RELN: variants seen among roughly 807,000 people sequenced by gnomAD.
RELN encodes the protein reelin.
RELN carries 108 observed loss-of-function variants against 427.6 expected under a neutral mutation model. That is an observed-to-expected ratio of 0.25 (90% CI 0.22 to 0.30). RELN has a LOEUF of 0.30. RELN is among the 10% of genes least tolerant of loss of function. RELN has a pLI of 1.00. For synonymous variants in RELN, 1,524 were observed against 1,513.4 expected, an observed-to-expected ratio of 1.01 and a Z score of -0.16; for missense variants, 3,715 against 4,302.8, an observed-to-expected ratio of 0.86 and a Z score of 3.82.
At chr7:103,803,279 G>A (rs1792514470) in intron 3 of RELN, among the ~76,000 whole-genome samples, 1 of 152,140 alleles carries the variant, frequency 6.6e-6, no homozygotes, top group African/African-American at 2.4e-5. Flanking sequence ...TCACACTAAT[G>A]TACTCACAGT....
At chr7:103,674,919 C>A (rs1428426363) in intron 11 of RELN, among the ~76,000 whole-genome samples, 2 of 152,162 alleles carry the variant, frequency 1.3e-5, no homozygotes, top group African/African-American at 4.8e-5. Flanking sequence ...GACAAACCCA[C>A]AGCCAATATC....
chr7:103,546,424 C>T (rs781778651), intron 41 of RELN, among the ~76,000 whole-genome samples: 1 of 152,166 alleles, frequency 6.6e-6, no homozygotes, highest in African/African-American at 2.4e-5. Context: ...TGGTTGTTTC[C>T]ATTTTTTGGC....
At chr7:103,881,884 C>T (rs551296034) in intron 2 of RELN, among the ~76,000 whole-genome samples, 31 of 152,228 alleles carry the variant, frequency 2.0e-4, no homozygotes, top group Middle Eastern at 3.4e-3. Context: ...CACCCCCAAG[C>T]CCACTGGATT....
chr7:103,617,848 G>C (rs189337830), intron 20 of RELN, among the ~76,000 whole-genome samples: 1 of 152,150 alleles, frequency 6.6e-6, no homozygotes, highest in East Asian at 1.9e-4. Context: ...TTGAGGTAAT[G>C]AGTGAGTTCT....
At chr7:103,703,929 G>A (rs533692603) in intron 8 of RELN, among the ~76,000 whole-genome samples, 1 of 152,194 alleles carries the variant, frequency 6.6e-6, no homozygotes, top group East Asian at 1.9e-4. Flanking sequence ...CCACAACAAG[G>A]GTAAAAGTGA....
At chr7:103,866,376 G>C (rs1179977495) in intron 2 of RELN, among the ~76,000 whole-genome samples, 1 of 152,054 alleles carries the variant, frequency 6.6e-6, no homozygotes, top group Non-Finnish European at 1.5e-5. Flanking sequence ...GGTGCAGTTT[G>C]AGGACTTGCT....
intron 27 of RELN, among the ~76,000 whole-genome samples, chr7:103,591,513 A>G (rs898393001): frequency 6.6e-6 from 1 of 152,214 alleles, no homozygotes; most frequent in African/African-American, 2.4e-5. Flanking sequence ...ATTGTGCACA[A>G]TTTATCCAAG....
intron 1 of RELN, among the ~76,000 whole-genome samples, chr7:103,922,661 GTTA>G (rs1285111435): frequency 6.6e-6 from 1 of 152,124 alleles, no homozygotes; most frequent in Non-Finnish European, 1.5e-5. Context: ...TACAGAGTCA[GTTA>G]TTATCTATTA....
intron 3 of RELN, among the ~76,000 whole-genome samples, chr7:103,826,048 G>A (rs1159847781): frequency 1.3e-5 from 2 of 152,042 alleles, no homozygotes; most frequent in African/African-American, 2.4e-5. Context: ...TGGGAGTAGA[G>A]TAGTTACCTC....
At chr7:103,680,504 T>A (rs1031201769) in intron 11 of RELN, among the ~76,000 whole-genome samples, 3 of 151,870 alleles carry the variant, frequency 2.0e-5, no homozygotes, top group African/African-American at 7.2e-5. Flanking sequence ...GGGAGTCGAA[T>A]TGGTCTTTTT....
intron 14 of RELN, 105 bp downstream of exon 14, chr7:103,652,446 A>T: frequency 1.1e-6 from 1 of 875,282 alleles, no homozygotes; most frequent in Non-Finnish European, 1.9e-6. Flanking sequence ...TGAGTATTTT[A>T]CTTAAAATCC....
intron 26 of RELN, among the ~76,000 whole-genome samples, 159 bp downstream of exon 26, chr7:103,594,162 G>C (rs567235952): frequency 1.2e-4 from 18 of 152,148 alleles, no homozygotes; most frequent in Non-Finnish European, 2.5e-4. Context: ...AATTATCTGT[G>C]AAGTGGTAGC....
At chr7:103,559,942 T>C (rs1185723411) in intron 36 of RELN, among the ~76,000 whole-genome samples, 1 of 152,224 alleles carries the variant, frequency 6.6e-6, no homozygotes, top group East Asian at 1.9e-4. Context: ...GTTGTTCCCA[T>C]GGGTCAATAC....
Position 103,926,286 on chromosome 7 carries a change from G to C in RELN, c.227-9101C>G, listed in dbSNP as rs139642401. Among the ~76,000 whole-genome samples the C allele has an allele frequency of 6.5e-3, 981 of 151,826 alleles. 9 individuals are homozygous for C. The highest frequency in any genetic ancestry group is 0.021 in the African/African-American group (880 of 41,396). ...AATTTTTGTATTTTTAGTAGAGATG[G>C]GGTTTCACCATGTTGGCCAGGATGG... On this transcript the variant is annotated intron_variant, in intron 1 of 64. Coordinates refer to ENST00000428762, the MANE Select transcript of RELN (RefSeq NM_005045.4).
At chr7:103,982,026 T>C (rs1467219712) in intron 1 of RELN, among the ~76,000 whole-genome samples, 1 of 151,778 alleles carries the variant, frequency 6.6e-6, no homozygotes. Context: ...AATTACCTGG[T>C]CTAGTGGTGT....
chr7:103,542,795 G>C lies in RELN; in HGVS notation c.6607C>G (p.Leu2203Val). The C allele has an allele frequency of 1.2e-6, 2 of 1,614,048 alleles. No individual in the cohort carries two copies. The highest frequency in any genetic ancestry group is 1.7e-6 in the Non-Finnish European group (2 of 1,179,992). ...KCGILSSGNN[L>V]FFNEDGLRML... ...CGCAAGCCATCTTCATTGAAAAAGA[G>C]GTTGTTTCCACTAGAAAGGATTCCA... Residue 2203 changes from leucine (L) to valine (V), a missense_variant, in exon 43 of 65, where the codon CTC becomes GTC. This residue lies in a region of RELN where 1,310 missense variants were observed against 1,643.0 expected (regional missense o/e 0.80). Coordinates refer to ENST00000428762, the MANE Select transcript of RELN (RefSeq NM_005045.4).
chr7:103,827,077 T>TA (rs555521805), intron 3 of RELN, among the ~76,000 whole-genome samples: 139 of 151,550 alleles, frequency 9.2e-4, no homozygotes, highest in African/African-American at 3.2e-3. Context: ...AAGCAGAGAT[T>TA]AAAAAAAGGA....
intron 48 of RELN, among the ~76,000 whole-genome samples, chr7:103,520,752 A>T (rs1030778203): frequency 1.3e-5 from 2 of 152,036 alleles, no homozygotes; most frequent in Non-Finnish European, 2.9e-5. Flanking sequence ...ATATGTGAAA[A>T]ACTCACTTTT....
Position 103,708,464 on chromosome 7 carries a change from CTTTTTTT to C in RELN, c.806-7465_806-7459del, listed in dbSNP as rs745955015. Among the ~76,000 whole-genome samples, 3 of 110,104 alleles carry C rather than the reference CTTTTTTT, an allele frequency of 2.7e-5. No homozygotes were observed. The East Asian group carries it at 7.3e-4, about 27-fold the overall frequency. The allele number at this position is 110,104 out of a possible 152,430, so 72.2% of individuals were successfully genotyped here. On this transcript the variant is annotated intron_variant, in intron 8 of 64. Coordinates refer to ENST00000428762, the MANE Select transcript of RELN (RefSeq NM_005045.4). ...CACCCAAACACCAGTGGGTATGACT[CTTTTTTT>C]TTTTTTTTTTGAGACGGAGTCTTGC...
Sources: gnomAD v4.1 joint callset for allele counts (sites outside exome capture counted in the v4.1 genomes callset) on GRCh38, gnomAD v4.1.1 for gene constraint, gnomAD v4.1.1 regional missense constraint, MANE v1.5 for transcripts, NCBI Gene and HGNC (gene_info 2026-07-23, HGNC 2026-07-21) for gene names.